Variants in SMYD3 observed in about 807,000 individuals in gnomAD.
SMYD3 encodes SET and MYND domain containing 3, also known as histone-lysine N-methyltransferase SMYD3.
Under a neutral mutation model 57.7 loss-of-function variants are expected in SMYD3, and 36 were observed. That is an observed-to-expected ratio of 0.62 (90% confidence interval 0.48 to 0.82). SMYD3 has a LOEUF of 0.82. SMYD3 is among the 40% of genes least tolerant of loss of function. SMYD3 has a pLI of 0.00. For synonymous variants in SMYD3, 211 were observed against 195.0 expected (o/e 1.08, Z -0.68); for missense variants, 515 against 538.8 (o/e 0.96, Z 0.44).
intron 10 of SMYD3, among the ~76,000 whole-genome samples, chr1:245,833,602 T>C (rs1453414208): frequency 6.6e-6 from 1 of 152,242 alleles, no homozygotes. Context: ...CCTGATCCCT[T>C]AGTTAAGGTA....
intron 10 of SMYD3, among the ~76,000 whole-genome samples, chr1:245,823,983 G>A (rs1432989775): frequency 7.2e-5 from 11 of 152,184 alleles, no homozygotes; most frequent in Admixed American, 7.2e-4. Context: ...GACAGCAGAT[G>A]TCAGCTCTGG....
At chr1:246,119,330 G>C (rs934385052) in intron 5 of SMYD3, among the ~76,000 whole-genome samples, 3 of 151,338 alleles carry the variant, frequency 2.0e-5, no homozygotes, top group Admixed American at 2.0e-4. Flanking sequence ...ATAAACTGTT[G>C]TATCTTTCTG....
intron 5 of SMYD3, among the ~76,000 whole-genome samples, chr1:245,978,150 G>A (rs61839406): frequency 0.1 from 15,955 of 152,092 alleles, 949 homozygotes; most frequent in South Asian, 0.14. Context: ...CTTCCAAGTC[G>A]GAACATCCAG....
chr1:245,753,815 C>G (rs2045498099), intron 11 of SMYD3, among the ~76,000 whole-genome samples: 1 of 152,236 alleles, frequency 6.6e-6, no homozygotes, highest in African/African-American at 2.4e-5. Flanking sequence ...TCCTACCACT[C>G]CCATCTGTCA....
intron 5 of SMYD3, among the ~76,000 whole-genome samples, chr1:246,169,114 C>T (rs1250251311): frequency 3.9e-5 from 6 of 152,062 alleles, no homozygotes; most frequent in South Asian, 4.2e-4. Context: ...CTTGTGTGTC[C>T]GTCCCTACAT....
chr1:245,872,921 C>T (rs1486567829), intron 8 of SMYD3, among the ~76,000 whole-genome samples: 1 of 152,250 alleles, frequency 6.6e-6, no homozygotes, highest in Non-Finnish European at 1.5e-5. Context: ...TTTCCGGCTA[C>T]AGCCTCAACA....
At chr1:246,236,084 C>T (rs2063508658) in intron 5 of SMYD3, among the ~76,000 whole-genome samples, 1 of 152,028 alleles carries the variant, frequency 6.6e-6, no homozygotes, top group Non-Finnish European at 1.5e-5. Context: ...AGGCAGAACA[C>T]TCAAACTCTA....
At chr1:246,046,401 C>T (rs2059964990) in intron 5 of SMYD3, among the ~76,000 whole-genome samples, 1 of 152,010 alleles carries the variant, frequency 6.6e-6, no homozygotes. Context: ...AGCATGTTCT[C>T]ACTCATAGGT....
At position 246,379,703 on chromosome 1, in the gene SMYD3, T is replaced by C. The variant is rs143170116; in HGVS notation, c.165-24609A>G. ...AAAAATCATTAATCCAACTGACTTTTAAAAGTTTTGAAAAGGCCGGGTATG... is the reference window on the plus strand; with the variant it reads ...AAAAATCATTAATCCAACTGACTTTCAAAAGTTTTGAAAAGGCCGGGTATG... On this transcript the variant is annotated intron_variant, in intron 1 of 11. Coordinates refer to ENST00000490107, the MANE Select transcript of SMYD3 (RefSeq NM_001167740.2). Among the ~76,000 whole-genome samples the C allele has an allele frequency of 3.2e-3, 487 of 152,258 alleles. 5 individuals are homozygous for C. The highest frequency in any genetic ancestry group is 0.01 in the African/African-American group (431 of 41,532).
intron 5 of SMYD3, among the ~76,000 whole-genome samples, chr1:246,279,530 C>G (rs1265368910): frequency 6.6e-6 from 1 of 151,336 alleles, no homozygotes. Flanking sequence ...AAAACAAAAA[C>G]AAAAACAAAA....
intron 5 of SMYD3, among the ~76,000 whole-genome samples, chr1:246,086,996 C>A (rs941662196): frequency 6.6e-6 from 1 of 152,082 alleles, no homozygotes; most frequent in African/African-American, 2.4e-5. Context: ...TCTGTCTCTG[C>A]GTTAGTTTGC....
At chr1:246,066,350 T>C (rs1255591289) in intron 5 of SMYD3, among the ~76,000 whole-genome samples, 2 of 152,228 alleles carry the variant, frequency 1.3e-5, no homozygotes, top group Non-Finnish European at 2.9e-5. Flanking sequence ...AATTTGGATG[T>C]AAACAAGACA....
chr1:246,094,199 A>G (rs1396321531), intron 5 of SMYD3, among the ~76,000 whole-genome samples: 1 of 152,100 alleles, frequency 6.6e-6, no homozygotes, highest in Non-Finnish European at 1.5e-5. Flanking sequence ...CAAAGGAAAA[A>G]ACACTACCAT....
intron 10 of SMYD3, among the ~76,000 whole-genome samples, chr1:245,769,135 G>C (rs921487562): frequency 6.6e-6 from 1 of 152,120 alleles, no homozygotes; most frequent in Non-Finnish European, 1.5e-5. Flanking sequence ...GCAACTCCTG[G>C]AGAATTATTG....
chr1:246,426,523 T>C (rs1050797361), intron 1 of SMYD3, among the ~76,000 whole-genome samples: 3 of 152,262 alleles, frequency 2.0e-5, no homozygotes, highest in Non-Finnish European at 2.9e-5. Context: ...TGCGGTCTTT[T>C]ATGTCCGGCT....
chr1:246,402,951 A>C (rs1353365260), intron 1 of SMYD3, among the ~76,000 whole-genome samples: 1 of 152,234 alleles, frequency 6.6e-6, no homozygotes, highest in Non-Finnish European at 1.5e-5. Flanking sequence ...CACTGGTGGT[A>C]GTCAAAAATG....
At chr1:245,927,604 C>T (rs1362090010) in intron 7 of SMYD3, among the ~76,000 whole-genome samples, 1 of 152,164 alleles carries the variant, frequency 6.6e-6, no homozygotes, top group Non-Finnish European at 1.5e-5. Context: ...TCAGCTGTTG[C>T]CACTGAGGAG....
chr1:246,444,532 T>C (rs1196345367), intron 1 of SMYD3, among the ~76,000 whole-genome samples: 1 of 152,198 alleles, frequency 6.6e-6, no homozygotes, highest in Non-Finnish European at 1.5e-5. Context: ...GAAGCATGAC[T>C]GACTGCCTTT....
intron 5 of SMYD3, among the ~76,000 whole-genome samples, chr1:245,932,623 G>A (rs143880983): frequency 5.9e-5 from 9 of 152,196 alleles, no homozygotes; most frequent in East Asian, 1.9e-4. Context: ...GCAGTGGTGC[G>A]ATCATGGCTC....
Sources: gnomAD v4.1 joint callset for allele counts (sites outside exome capture counted in the v4.1 genomes callset) on GRCh38, gnomAD v4.1.1 for gene constraint, MANE v1.5 for transcripts, NCBI Gene and HGNC (gene_info 2026-07-23, HGNC 2026-07-21) for gene names.